ARHGAP15: variants seen among roughly 807,000 people sequenced by gnomAD.
The protein encoded by ARHGAP15 is Rho GTPase activating protein 15.
A neutral mutation model predicts 63.7 loss-of-function variants in ARHGAP15; 51 were observed. The ratio of observed to expected loss-of-function variants is 0.80; its 90% confidence interval spans 0.64 to 1.01. The LOEUF (loss-of-function observed/expected upper bound fraction) is 1.01. Among genes scored for constraint, ARHGAP15 ranks in the 50% least tolerant of loss-of-function variants. The pLI, the probability that ARHGAP15 is intolerant of heterozygous loss-of-function variation, is 0.00. For missense variants in ARHGAP15, 560 were observed against 564.6 expected (o/e 0.99, Z 0.08); for synonymous variants, 191 against 193.8 (o/e 0.99, Z 0.12).
Position 143,673,269 on chromosome 2 carries a change from G to A in ARHGAP15, c.1139-30150G>A, listed in dbSNP as rs1260513066. On this transcript the variant is annotated intron_variant, in intron 12 of 13. Coordinates refer to ENST00000295095, the MANE Select transcript of ARHGAP15 (RefSeq NM_018460.4). ...ACTACCTTTGAGACCTAAGAAGTAC[G>A]CAGAGACACAGAAAGCACGTTTATG... 3.3e-5 allele frequency among the ~76,000 whole-genome samples: 5 copies of A among 152,122 alleles called. No individual in the cohort carries two copies. The East Asian group carries it at 5.8e-4, about 18-fold the overall frequency.
intron 13 of ARHGAP15, among the ~76,000 whole-genome samples, chr2:143,714,739 T>G (rs1684733024): frequency 6.6e-6 from 1 of 152,254 alleles, no homozygotes; most frequent in African/African-American, 2.4e-5. Context: ...AGGGGCAGAA[T>G]GCCACCAGTC....
At chr2:143,759,203 C>A (rs1686677757) in intron 13 of ARHGAP15, among the ~76,000 whole-genome samples, 1 of 152,014 alleles carries the variant, frequency 6.6e-6, no homozygotes, top group South Asian at 2.1e-4. Flanking sequence ...GGGCTTGGGA[C>A]AGGGTACAAT....
intron 1 of ARHGAP15, among the ~76,000 whole-genome samples, chr2:143,152,958 A>G (rs1414979168): frequency 6.6e-6 from 1 of 152,002 alleles, no homozygotes; most frequent in Admixed American, 6.6e-5. Flanking sequence ...CAAAATCTTG[A>G]AAGTATTTTC....
chr2:143,424,938 T>G (rs747477125), intron 6 of ARHGAP15, among the ~76,000 whole-genome samples: 1 of 152,136 alleles, frequency 6.6e-6, no homozygotes, highest in Non-Finnish European at 1.5e-5. Flanking sequence ...ATTGTGTGTG[T>G]TGGCTAGTGA....
chr2:143,440,128 A>C (rs1025183276), intron 8 of ARHGAP15, among the ~76,000 whole-genome samples: 1 of 152,126 alleles, frequency 6.6e-6, no homozygotes, highest in African/African-American at 2.4e-5. Flanking sequence ...TTCAATATGT[A>C]TGTATTCATT....
chr2:143,358,674 G>T (rs1471933923), intron 6 of ARHGAP15, among the ~76,000 whole-genome samples: 13 of 151,038 alleles, frequency 8.6e-5, no homozygotes, highest in Non-Finnish European at 1.6e-4. Flanking sequence ...TAAGGAAATA[G>T]ATAGCTATGC....
chr2:143,684,801 A>G (rs1032254229), intron 12 of ARHGAP15, among the ~76,000 whole-genome samples: 6 of 152,200 alleles, frequency 3.9e-5, no homozygotes, highest in African/African-American at 1.4e-4. Flanking sequence ...GTGAGGTAAA[A>G]AGAAATAAAT....
intron 6 of ARHGAP15, among the ~76,000 whole-genome samples, chr2:143,284,242 T>C (rs773993101): frequency 1.2e-4 from 18 of 152,184 alleles, no homozygotes; most frequent in Non-Finnish European, 2.2e-4. Context: ...GGCTCAGCTG[T>C]ATGGACTTGG....
Position 143,629,196 on chromosome 2 carries a change from A to G in ARHGAP15, c.1138+4929A>G, listed in dbSNP as rs1698964878. ...AACTTCTTTTTGGACCAAAAAAAAA[A>G]AAACCCCATTAATATCATAAGACCC... On this transcript the variant is annotated intron_variant, in intron 12 of 13. Transcript: ENST00000295095. Among the ~76,000 whole-genome samples, 6 of 152,110 alleles carry G rather than the reference A, an allele frequency of 3.9e-5. No homozygotes were observed. The South Asian group carries it at 1.2e-3, about 31-fold the overall frequency.
At chr2:143,322,469 A>G (rs1399785526) in intron 6 of ARHGAP15, among the ~76,000 whole-genome samples, 1 of 152,238 alleles carries the variant, frequency 6.6e-6, no homozygotes, top group African/African-American at 2.4e-5. Context: ...TAGAACAATG[A>G]TAGTTAATCT....
chr2:143,429,868 G>A (rs1170192423), intron 6 of ARHGAP15, among the ~76,000 whole-genome samples: 1 of 152,118 alleles, frequency 6.6e-6, no homozygotes, highest in Non-Finnish European at 1.5e-5. Context: ...GACTTGCAAA[G>A]TTTTTGCAGT....
intron 1 of ARHGAP15, among the ~76,000 whole-genome samples, chr2:143,147,256 C>A (rs1574008924): frequency 6.6e-6 from 1 of 152,042 alleles, no homozygotes; most frequent in Admixed American, 6.6e-5. Flanking sequence ...GCTGTGGCTG[C>A]TGAGCAACTT....
chr2:143,341,117 G>A (rs898476552), intron 6 of ARHGAP15, among the ~76,000 whole-genome samples: 6 of 151,960 alleles, frequency 3.9e-5, no homozygotes, highest in Admixed American at 6.6e-5. Flanking sequence ...AGAAGCCAGC[G>A]GGTCCTGCTT....
chr2:143,578,675 G>A (rs899912852), intron 11 of ARHGAP15, among the ~76,000 whole-genome samples: 1 of 152,084 alleles, frequency 6.6e-6, no homozygotes, highest in African/African-American at 2.4e-5. Context: ...TACTGTTTTT[G>A]TTGTATCAGG....
chr2:143,153,821 CTTCTTCTTCTTCTTCTTCT>C (rs1558779272), intron 1 of ARHGAP15, among the ~76,000 whole-genome samples: 58 of 86,752 alleles, frequency 6.7e-4, no homozygotes, highest in Admixed American at 2.0e-3. Flanking sequence ...TCTTCTTCTT[CTTCTTCTTCTTCTTCTTCT>C]TCTTCCTCCT....
chr2:143,744,811 A>G (rs910562606), intron 13 of ARHGAP15, among the ~76,000 whole-genome samples: 2 of 152,202 alleles, frequency 1.3e-5, no homozygotes, highest in African/African-American at 2.4e-5. Flanking sequence ...TGATCTTTTC[A>G]TGACTATAAA....
At chr2:143,532,405 T>C (rs1212649918) in intron 10 of ARHGAP15, among the ~76,000 whole-genome samples, 1 of 152,208 alleles carries the variant, frequency 6.6e-6, no homozygotes, top group Non-Finnish European at 1.5e-5. Context: ...TTTTAATCTT[T>C]GGTCTGATGA....
chr2:143,474,305 C>T (rs1358148908), intron 8 of ARHGAP15, among the ~76,000 whole-genome samples: 2 of 152,110 alleles, frequency 1.3e-5, no homozygotes, highest in African/African-American at 2.4e-5. Context: ...ACTGTAATCA[C>T]CCCCCACCCT....
chr2:143,303,109 C>G (rs1207760930), intron 6 of ARHGAP15, among the ~76,000 whole-genome samples: 8 of 151,958 alleles, frequency 5.3e-5, no homozygotes. Flanking sequence ...TGGGCAAAGA[C>G]TTCATGACTA....
Sources: gnomAD v4.1 joint callset for allele counts (sites outside exome capture counted in the v4.1 genomes callset) on GRCh38, gnomAD v4.1.1 for gene constraint, MANE v1.5 for transcripts, NCBI Gene and HGNC (gene_info 2026-07-23, HGNC 2026-07-21) for gene names.